The following ZNRF3 variants were observed in gnomAD, a reference collection of about 807,000 sequenced individuals.
The protein encoded by ZNRF3 is zinc and ring finger 3, also known as E3 ubiquitin-protein ligase ZNRF3.
Under a neutral mutation model 72.5 loss-of-function variants are expected in ZNRF3, and 23 were observed. That is an observed-to-expected ratio of 0.32 (90% CI 0.23 to 0.45). ZNRF3 has a LOEUF of 0.45. Among genes scored for constraint, ZNRF3 ranks in the 20% least tolerant of loss-of-function variants. The pLI, the probability that ZNRF3 is intolerant of heterozygous loss-of-function variation, is 1.00. For synonymous variants in ZNRF3, 610 were observed against 545.3 expected (o/e 1.12, Z -1.65); for missense variants, 1,169 against 1,272.1 (o/e 0.92, Z 1.23).
chr22:28,909,340 A>G (rs1003308368), intron 1 of ZNRF3, among the ~76,000 whole-genome samples: 11 of 152,150 alleles, frequency 7.2e-5, no homozygotes, highest in African/African-American at 2.7e-4. Flanking sequence ...ACTTGGGGCT[A>G]ACAGCTTTTA....
At chr22:29,023,389 A>C (rs2036572195) in intron 2 of ZNRF3, among the ~76,000 whole-genome samples, 1 of 152,140 alleles carries the variant, frequency 6.6e-6, no homozygotes, top group African/African-American at 2.4e-5. Context: ...GTGTGCTTTC[A>C]TCCCACTCCA....
At position 29,054,664 on chromosome 22, in the gene ZNRF3, C is replaced by T. The variant is rs567678612; in HGVS notation, c.*1042C>T. 33 of 152,878 alleles carry T rather than the reference C, an allele frequency of 2.2e-4. No individual in the cohort carries two copies. Among genetic ancestry groups the T allele is most frequent in the African/African-American group, 7.2e-4 (30 of 41,578 alleles). 9.5% of individuals were successfully genotyped at this position (152,878 alleles called of 1,614,324 possible). On this transcript the variant is annotated 3_prime_UTR_variant, in exon 9 of 9. Coordinates refer to ENST00000544604, the MANE Select transcript of ZNRF3 (RefSeq NM_001206998.2). ...AATGTACTTTTGTGGCCTTGGTGTC[C>T]GATGGGGCTGGGGGAGAGTGCTCTC...
intron 1 of ZNRF3, among the ~76,000 whole-genome samples, chr22:28,945,183 A>G (rs566515017): frequency 1.1e-4 from 17 of 151,570 alleles, no homozygotes; most frequent in Non-Finnish European, 2.5e-4. Flanking sequence ...TGTGTATCTC[A>G]AGACTTACAG....
intron 2 of ZNRF3, among the ~76,000 whole-genome samples, chr22:28,994,176 C>CTTTTTTTGTTTTTTTTT: frequency 2.5e-5 from 1 of 39,790 alleles, no homozygotes; most frequent in East Asian, 6.2e-4. Flanking sequence ...CAGTTCCTTT[C>CTTTTTTTGTTTTTTTTT]TTTTTTTTTT....
Position 29,053,626 on chromosome 22 carries a change from C to T in ZNRF3, c.*4C>T, listed in dbSNP as rs755150120. 42 of 1,613,148 alleles carry T rather than the reference C, an allele frequency of 2.6e-5. 1 individual carries two copies. The Middle Eastern group carries it at 5.0e-4, about 19-fold the overall frequency. ...CAGCAGCAGCCCGGGAGCCTGAGCT[C>T]AGGAGGAACTCTTACCTGGAAATTG... On this transcript the variant is annotated 3_prime_UTR_variant, in exon 9 of 9. Coordinates refer to ENST00000544604, the MANE Select transcript of ZNRF3 (RefSeq NM_001206998.2).
At chr22:29,043,624 A>T (rs1185043145) in intron 4 of ZNRF3, among the ~76,000 whole-genome samples, 194 bp downstream of exon 4, 1 of 152,200 alleles carries the variant, frequency 6.6e-6, no homozygotes, top group Non-Finnish European at 1.5e-5. Context: ...GAATTTGAGA[A>T]ATCCTACCAG....
chr22:28,885,631 A>G (rs1343406908), intron 1 of ZNRF3, among the ~76,000 whole-genome samples: 1 of 149,052 alleles, frequency 6.7e-6, no homozygotes, highest in Non-Finnish European at 1.5e-5. Flanking sequence ...CTAGCGTGGC[A>G]CTTGACTTTT....
At chr22:28,962,161 C>T (rs927811344) in intron 1 of ZNRF3, among the ~76,000 whole-genome samples, 5 of 152,212 alleles carry the variant, frequency 3.3e-5, no homozygotes, top group Non-Finnish European at 5.9e-5. Context: ...TTTGCATTTA[C>T]CGCATCCCAA....
intron 2 of ZNRF3, among the ~76,000 whole-genome samples, chr22:29,011,472 G>A: frequency 6.6e-6 from 1 of 152,170 alleles, no homozygotes; most frequent in Non-Finnish European, 1.5e-5. Flanking sequence ...AAAGGCAGAG[G>A]GGGAAAAACA....
rs2037315823 is a variant in ZNRF3 at position 29,057,210 on chromosome 22, T to C, written c.*3588T>C. 6.6e-6 allele frequency: 1 copy of C among 152,220 alleles called. No individual in the cohort carries two copies. The highest frequency in any genetic ancestry group is 2.1e-4 in the South Asian group (1 of 4,836). 9.4% of individuals were successfully genotyped at this position (152,220 alleles called of 1,614,324 possible). On this transcript the variant is annotated 3_prime_UTR_variant, in exon 9 of 9. Coordinates refer to ENST00000544604, the MANE Select transcript of ZNRF3 (RefSeq NM_001206998.2). ...AGACAACTTATGTATATTCTGTATA[T>C]GTATAGCAGCACATTTCATTTATGG...
chr22:29,023,597 A>T (rs2036575107), intron 2 of ZNRF3, among the ~76,000 whole-genome samples: 2 of 152,118 alleles, frequency 1.3e-5, no homozygotes, highest in African/African-American at 4.8e-5. Flanking sequence ...GGTGGGCTAT[A>T]TTAGCTCCCA....
intron 1 of ZNRF3, among the ~76,000 whole-genome samples, chr22:28,973,412 A>C (rs1408861207): frequency 6.6e-6 from 1 of 151,994 alleles, no homozygotes; most frequent in African/African-American, 2.4e-5. Flanking sequence ...TTTGCATGAG[A>C]GGTACATGGG....
intron 4 of ZNRF3, among the ~76,000 whole-genome samples, chr22:29,044,085 T>C (rs1026459301): frequency 6.6e-6 from 1 of 152,208 alleles, no homozygotes; most frequent in East Asian, 1.9e-4. Flanking sequence ...CTCACAAATA[T>C]TGGGACATTC....
At chr22:28,965,105 A>G (rs1470241429) in intron 1 of ZNRF3, among the ~76,000 whole-genome samples, 1 of 152,182 alleles carries the variant, frequency 6.6e-6, no homozygotes, top group Non-Finnish European at 1.5e-5. Flanking sequence ...CAACCAGCAA[A>G]GCTTTAGACC....
intron 2 of ZNRF3, among the ~76,000 whole-genome samples, chr22:28,994,591 G>A (rs372995864): frequency 6.6e-5 from 10 of 152,054 alleles, no homozygotes; most frequent in African/African-American, 2.4e-4. Context: ...GGGGCAAGGG[G>A]AGTTGTTTAA....
chr22:28,992,136 G>A (rs1021085850), intron 2 of ZNRF3, among the ~76,000 whole-genome samples: 3 of 151,980 alleles, frequency 2.0e-5, no homozygotes, highest in African/African-American at 7.3e-5. Context: ...CTGGGATATA[G>A]AGTGAGACCC....
rs1357749435 is a variant in ZNRF3, at chr22:29,049,621, G to A, written c.1440G>A (p.Pro480=). The part of the protein sequence containing the change: ...QHYYFQGLSY[P]EQEGQSPPSL... ...ACTACTTCCAGGGCCTCAGCTACCC[G>A]GAGCAGGAGGGGCAGTCCCCACCTA... The change falls in exon 8 of 9, where the codon CCG becomes CCA. Residue 480 remains proline (P), a synonymous_variant. Coordinates refer to ENST00000544604, the MANE Select transcript of ZNRF3 (RefSeq NM_001206998.2). This position sits in a 1 kb window ranked among gnomAD's most constrained non-coding sequence, Gnocchi z 5.2. 4.3e-6 allele frequency: 7 copies of A among 1,610,692 alleles called. No individual in the cohort carries two copies. Among genetic ancestry groups the A allele is most frequent in the Middle Eastern group, 1.7e-4 (1 of 6,058 alleles).
At chr22:29,009,782 A>G (rs1407862806) in intron 2 of ZNRF3, among the ~76,000 whole-genome samples, 5 of 152,170 alleles carry the variant, frequency 3.3e-5, no homozygotes, top group African/African-American at 1.2e-4. Context: ...TCTCTTTAAA[A>G]TGGTGGTAAC....
intron 1 of ZNRF3, among the ~76,000 whole-genome samples, chr22:28,910,839 C>T (rs1224975070): frequency 6.6e-6 from 1 of 152,190 alleles, no homozygotes; most frequent in Non-Finnish European, 1.5e-5. Context: ...GGATTTGCTC[C>T]TGCTGGCTCT....
Sources: allele counts gnomAD v4.1 joint callset (sites outside exome capture counted in the v4.1 genomes callset), GRCh38; gene constraint gnomAD v4.1.1; non-coding constraint Gnocchi (gnomAD v3.1); transcripts MANE v1.5; gene names NCBI Gene and HGNC (gene_info 2026-07-23, HGNC 2026-07-21).